Variants in VPS13B observed in about 807,000 individuals in gnomAD.
VPS13B encodes the protein vacuolar protein sorting 13 homolog B, also known as intermembrane lipid transfer protein VPS13B.
VPS13B carries 285 observed loss-of-function variants against 426.4 expected under a neutral mutation model. The observed-to-expected ratio is 0.67, with a 90% CI of 0.61 to 0.74. The LOEUF (loss-of-function observed/expected upper bound fraction) is 0.74. VPS13B is among the 30% of genes least tolerant of loss of function. The pLI, the probability that VPS13B is intolerant of heterozygous loss-of-function variation, is 0.00. For missense variants in VPS13B, 4,537 were observed against 4,782.6 expected (o/e 0.95, Z 1.51); for synonymous variants, 1,676 against 1,676.4 (o/e 1.00, Z 0.01).
At chr8:99,477,882 T>C (rs908647295) in intron 24 of VPS13B, among the ~76,000 whole-genome samples, 1 of 152,164 alleles carries the variant, frequency 6.6e-6, no homozygotes, top group Non-Finnish European at 1.5e-5. Context: ...TCCATTCCCT[T>C]CATCTTAACT....
chr8:99,102,030 TTA>T (rs1396788534), intron 4 of VPS13B, among the ~76,000 whole-genome samples: 1 of 152,194 alleles, frequency 6.6e-6, no homozygotes, highest in Non-Finnish European at 1.5e-5. Flanking sequence ...AAAGTGTTAT[TTA>T]TATTTTTAAC....
chr8:99,376,847 T>C (rs1813516564), intron 19 of VPS13B, among the ~76,000 whole-genome samples: 1 of 152,042 alleles, frequency 6.6e-6, no homozygotes, highest in Non-Finnish European at 1.5e-5. Context: ...TAGTATATAA[T>C]ATGGCCTGTA....
chr8:99,520,859 G>T (rs1189720213), intron 29 of VPS13B, 40 bp from the exon 30 acceptor site: 3 of 1,531,048 alleles, frequency 2.0e-6, no homozygotes, highest in South Asian at 2.2e-5. Context: ...GTTATGTACA[G>T]ATCCACAGTG....
chr8:99,289,320 C>A (rs1819607314), intron 19 of VPS13B, among the ~76,000 whole-genome samples: 1 of 152,040 alleles, frequency 6.6e-6, no homozygotes, highest in Non-Finnish European at 1.5e-5. Flanking sequence ...GCTATATATA[C>A]TTCTGTAGAG....
intron 17 of VPS13B, chr8:99,234,144 GT>G: frequency 1.3e-6 from 1 of 784,728 alleles, no homozygotes; most frequent in Non-Finnish European, 2.4e-6. Flanking sequence ...CGCTGAGGGG[GT>G]AAAGGGGGAG....
At position 99,143,039 on chromosome 8, in the gene VPS13B, T is replaced by C. The variant is rs756871952; in HGVS notation, c.1717T>C (p.Ser573Pro). 2 of 1,614,034 alleles carry C rather than the reference T, an allele frequency of 1.2e-6. No homozygotes were observed. The highest frequency in any genetic ancestry group is 8.5e-7 in the Non-Finnish European group (1 of 1,179,942). ...AGATTTGGGAACAGTTCAGGAGAAG[T>C]CCACCAAAAGCCTTGTTATAGGTCC... is the stretch of plus-strand genomic sequence containing the variant. ...SEDLGTVQEK[S>P]TKSLVIGPLD... Residue 573 changes from serine (S) to proline (P), a missense_variant, in exon 13 of 62, where the codon TCC becomes CCC. Physicochemically the swap from Ser to Pro is moderately conservative, Grantham distance 74 (BLOSUM62 -1). Around this residue, in one of 2 missense-constraint regions of VPS13B, gnomAD observed 4,311 missense variants for 4,474.3 expected, o/e 0.96. Coordinates refer to ENST00000357162, the MANE Select transcript of VPS13B (RefSeq NM_152564.5).
chr8:99,359,767 A>G (rs894307335), intron 19 of VPS13B, among the ~76,000 whole-genome samples: 4 of 152,216 alleles, frequency 2.6e-5, no homozygotes, highest in Non-Finnish European at 4.4e-5. Flanking sequence ...TGGCCTCTAC[A>G]TTAGAATCAG....
At chr8:99,831,306 C>T (rs1815045241) in intron 51 of VPS13B, among the ~76,000 whole-genome samples, 1 of 151,874 alleles carries the variant, frequency 6.6e-6, no homozygotes, top group South Asian at 2.1e-4. Context: ...CTCCTGACCT[C>T]GTGATCCACC....
At chr8:99,330,013 C>G (rs1011534) in intron 19 of VPS13B, among the ~76,000 whole-genome samples, 13,823 of 151,732 alleles carry the variant, frequency 0.091, 1,127 homozygotes, top group African/African-American at 0.22. Flanking sequence ...GATGAAGTCA[C>G]CCCTGTTTGA....
At chr8:99,530,190 TCTTA>T (rs1261679842) in intron 30 of VPS13B, among the ~76,000 whole-genome samples, 4 of 152,232 alleles carry the variant, frequency 2.6e-5, no homozygotes, top group Non-Finnish European at 4.4e-5. Flanking sequence ...TTTTTTAATA[TCTTA>T]CTTAAATCTT....
chr8:99,504,576 A>C (rs1821400084), intron 27 of VPS13B, among the ~76,000 whole-genome samples: 1 of 152,170 alleles, frequency 6.6e-6, no homozygotes, highest in South Asian at 2.1e-4. Context: ...TCATTTACAA[A>C]GGATTTTTTT....
chr8:99,556,989 A>G (rs1478271528), intron 31 of VPS13B, among the ~76,000 whole-genome samples: 1 of 151,820 alleles, frequency 6.6e-6, no homozygotes, highest in Non-Finnish European at 1.5e-5. Context: ...TGATGTTTAG[A>G]CTCTCCTTTT....
At chr8:99,659,291 T>C (rs189414930) in intron 34 of VPS13B, among the ~76,000 whole-genome samples, 2 of 152,326 alleles carry the variant, frequency 1.3e-5, no homozygotes, top group African/African-American at 4.8e-5. Context: ...TTGCTTATTC[T>C]ATCCTCCACT....
intron 39 of VPS13B, among the ~76,000 whole-genome samples, chr8:99,740,116 A>G (rs1178546790): frequency 6.6e-6 from 1 of 152,226 alleles, no homozygotes; most frequent in Admixed American, 6.5e-5. Flanking sequence ...ACCAATGCAG[A>G]GAAGTCCTTA....
At chr8:99,051,933 G>A (rs561365586) in intron 3 of VPS13B, among the ~76,000 whole-genome samples, 216 of 152,310 alleles carry the variant, frequency 1.4e-3, no homozygotes, top group African/African-American at 4.9e-3. Flanking sequence ...ATTTTGGGAT[G>A]AGATGATGGG....
intron 57 of VPS13B, among the ~76,000 whole-genome samples, chr8:99,860,638 TA>T (rs1816789104): frequency 6.6e-6 from 1 of 152,186 alleles, no homozygotes; most frequent in Admixed American, 6.5e-5. Flanking sequence ...AGATTACTGG[TA>T]AAGATGCAGC....
At position 99,876,094 on chromosome 8, in the gene VPS13B, CTAT is replaced by C. The variant is rs10542428; in HGVS notation, c.*434_*436del. 0.48 allele frequency: 101,749 copies of C among 212,416 alleles called. 26,608 individuals are homozygous for C. Among genetic ancestry groups the C allele is most frequent in the African/African-American group, 0.72 (30,882 of 42,610 alleles). 13.2% of individuals were successfully genotyped at this position (212,416 alleles called of 1,614,324 possible). Reference sequence around the variant, plus strand: ...AATCTCTACTGTAATTAATTTGGGTCTATTATTAACTCTCTGTTCCATCATAGA... The same window carrying C: ...AATCTCTACTGTAATTAATTTGGGTCTATTAACTCTCTGTTCCATCATAGA... On this transcript the variant is annotated 3_prime_UTR_variant, in exon 62 of 62. Coordinates refer to ENST00000357162, the MANE Select transcript of VPS13B (RefSeq NM_152564.5).
At chr8:99,598,365 C>T (rs1827121010) in intron 33 of VPS13B, among the ~76,000 whole-genome samples, 1 of 152,012 alleles carries the variant, frequency 6.6e-6, no homozygotes, top group Non-Finnish European at 1.5e-5. Context: ...TGTAGTATCA[C>T]CCATTGTTTT....
chr8:99,290,928 C>T (rs1441453693), intron 19 of VPS13B, among the ~76,000 whole-genome samples: 1 of 152,010 alleles, frequency 6.6e-6, no homozygotes, highest in Non-Finnish European at 1.5e-5. Flanking sequence ...AGAAAGCTCC[C>T]TCAGATTAAA....
Sources: gnomAD v4.1 joint callset for allele counts (sites outside exome capture counted in the v4.1 genomes callset) on GRCh38, gnomAD v4.1.1 for gene constraint, gnomAD v4.1.1 regional missense constraint, MANE v1.5 for transcripts, NCBI Gene and HGNC (gene_info 2026-07-23, HGNC 2026-07-21) for gene names.